The following LRRIQ3 variants were observed in gnomAD, a reference collection of about 807,000 sequenced individuals.
LRRIQ3 encodes leucine rich repeats and IQ motif containing 3.
Under a neutral mutation model 59.3 loss-of-function variants are expected in LRRIQ3, and 75 were observed. That is an observed-to-expected ratio of 1.26 (90% CI 1.05 to 1.53). The LOEUF (loss-of-function observed/expected upper bound fraction) is 1.53, where lower values mean the gene tolerates loss of function less well. Ranked by LOEUF, LRRIQ3 falls within the 40% of genes most tolerant of loss-of-function variation. The pLI, the probability that LRRIQ3 is intolerant of heterozygous loss-of-function variation, is 0.00. For missense variants in LRRIQ3, 831 were observed against 710.0 expected (o/e 1.17, Z -1.94); for synonymous variants, 250 against 231.3 (o/e 1.08, Z -0.73).
At chr1:74,087,852 A>G (rs1369044610) in intron 5 of LRRIQ3, among the ~76,000 whole-genome samples, 1 of 152,004 alleles carries the variant, frequency 6.6e-6, no homozygotes, top group Admixed American at 6.6e-5. Context: ...TAATCTCAGC[A>G]CCTTGGGAGG....
chr1:74,184,991 T>C (rs1650262907), intron 1 of LRRIQ3, among the ~76,000 whole-genome samples: 1 of 152,210 alleles, frequency 6.6e-6, no homozygotes, highest in African/African-American at 2.4e-5. Context: ...AACTCATTTT[T>C]TAAAGTACTG....
At chr1:74,139,736 A>T (rs1227528093) in intron 4 of LRRIQ3, among the ~76,000 whole-genome samples, 1 of 151,992 alleles carries the variant, frequency 6.6e-6, no homozygotes, top group African/African-American at 2.4e-5. Flanking sequence ...TTAATGTCTT[A>T]TTATAACCCA....
intron 5 of LRRIQ3, 39 bp downstream of exon 5, chr1:74,109,355 A>G: frequency 3.0e-6 from 4 of 1,315,700 alleles, no homozygotes; most frequent in Non-Finnish European, 4.2e-6. Context: ...AATATCTTAA[A>G]TACATTTCAA....
At chr1:74,133,000 A>G (rs552206959) in intron 4 of LRRIQ3, among the ~76,000 whole-genome samples, 26 of 152,296 alleles carry the variant, frequency 1.7e-4, no homozygotes, top group African/African-American at 5.8e-4. Context: ...TCTACAAAGA[A>G]CTTAAACAAA....
chr1:74,083,491 T>C (rs1292945120), intron 5 of LRRIQ3: 2 of 151,676 alleles, frequency 1.3e-5, no homozygotes, highest in Admixed American at 6.6e-5. Flanking sequence ...TATAAAGAAA[T>C]GCCTGCAAGT....
At chr1:74,101,116 C>A (rs1280587562) in intron 5 of LRRIQ3, among the ~76,000 whole-genome samples, 1 of 152,134 alleles carries the variant, frequency 6.6e-6, no homozygotes, top group Non-Finnish European at 1.5e-5. Context: ...TCAGAGTGAA[C>A]AGGCAATCTA....
At chr1:74,096,794 G>A (rs1049927256) in intron 5 of LRRIQ3, among the ~76,000 whole-genome samples, 2 of 152,122 alleles carry the variant, frequency 1.3e-5, no homozygotes, top group African/African-American at 4.8e-5. Context: ...CAGGTCTGTT[G>A]GAGTTTGCTG....
chr1:74,173,492 C>T (rs1010534365), intron 3 of LRRIQ3, among the ~76,000 whole-genome samples: 3 of 151,564 alleles, frequency 2.0e-5, no homozygotes, highest in South Asian at 2.1e-4. Flanking sequence ...TGCTTTGATG[C>T]TATTTTATCT....
intron 4 of LRRIQ3, among the ~76,000 whole-genome samples, chr1:74,136,383 C>T (rs1211996748): frequency 2.6e-5 from 4 of 151,908 alleles, no homozygotes; most frequent in African/African-American, 9.7e-5. Context: ...TTCTGTAAGA[C>T]CACAGTGTTC....
intron 7 of LRRIQ3, among the ~76,000 whole-genome samples, chr1:74,033,075 A>C (rs2100364197): frequency 6.6e-6 from 1 of 152,188 alleles, no homozygotes; most frequent in African/African-American, 2.4e-5. Context: ...TTGAATAGAA[A>C]GCTGTACTGT....
intron 3 of LRRIQ3, among the ~76,000 whole-genome samples, chr1:74,174,445 C>T (rs997433554): frequency 2.0e-5 from 3 of 151,888 alleles, no homozygotes; most frequent in Non-Finnish European, 2.9e-5. Context: ...TGCAATGGTG[C>T]GATCTCAGCT....
intron 7 of LRRIQ3, among the ~76,000 whole-genome samples, chr1:74,034,197 G>A (rs971872966): frequency 4.6e-5 from 7 of 151,930 alleles, no homozygotes; most frequent in East Asian, 1.9e-4. Flanking sequence ...AATCATCAGC[G>A]GAAAAAGTAT....
intron 1 of LRRIQ3, 103 bp from the exon 2 acceptor site, chr1:74,183,787 A>G (rs1477029294): frequency 1.0e-5 from 10 of 976,756 alleles, no homozygotes; most frequent in African/African-American, 1.7e-5. Flanking sequence ...AAAAAGTGTT[A>G]TTAAAGTTAA....
At chr1:74,185,065 T>C (rs1238493026) in intron 1 of LRRIQ3, among the ~76,000 whole-genome samples, 1 of 152,214 alleles carries the variant, frequency 6.6e-6, no homozygotes, top group African/African-American at 2.4e-5. Context: ...CTATTGAAAA[T>C]GTCTTGGCTG....
intron 4 of LRRIQ3, among the ~76,000 whole-genome samples, chr1:74,134,470 A>T (rs1647086444): frequency 6.6e-6 from 1 of 152,024 alleles, no homozygotes; most frequent in Non-Finnish European, 1.5e-5. Flanking sequence ...TGAGTAATAG[A>T]AATTATAAAT....
chr1:74,101,841 T>C (rs901389711), intron 5 of LRRIQ3, among the ~76,000 whole-genome samples: 6 of 151,840 alleles, frequency 4.0e-5, no homozygotes, highest in African/African-American at 7.3e-5. Context: ...TTCTCACTCA[T>C]AGATGGGAAT....
intron 7 of LRRIQ3, among the ~76,000 whole-genome samples, chr1:74,027,684 C>A (rs575826406): frequency 9.9e-5 from 15 of 152,086 alleles, no homozygotes; most frequent in Admixed American, 3.3e-4. Flanking sequence ...CCTGCCAAAC[C>A]GGGGAAATGT....
chr1:74,101,851 T>C (rs999703905), intron 5 of LRRIQ3, among the ~76,000 whole-genome samples: 3 of 151,962 alleles, frequency 2.0e-5, no homozygotes, highest in East Asian at 1.9e-4. Context: ...TAGATGGGAA[T>C]TGAACAATGA....
At chr1:74,071,748 A>G (rs1655034574) in intron 6 of LRRIQ3, among the ~76,000 whole-genome samples, 1 of 152,158 alleles carries the variant, frequency 6.6e-6, no homozygotes, top group Non-Finnish European at 1.5e-5. Flanking sequence ...TTTAGACTGG[A>G]GCATGTTCAA....
Sources: gnomAD v4.1 joint callset for allele counts (sites outside exome capture counted in the v4.1 genomes callset) on GRCh38, gnomAD v4.1.1 for gene constraint, MANE v1.5 for transcripts, NCBI Gene and HGNC (gene_info 2026-07-23, HGNC 2026-07-21) for gene names.